The following DOCK2 variants were observed in gnomAD, a reference collection of about 807,000 sequenced individuals.
DOCK2 encodes the protein dedicator of cytokinesis protein 2.
A neutral mutation model predicts 248.9 loss-of-function variants in DOCK2; 87 were observed. The ratio of observed to expected loss-of-function variants is 0.35; its 90% confidence interval spans 0.29 to 0.42. The LOEUF (loss-of-function observed/expected upper bound fraction) is 0.42. DOCK2 is among the 10% of genes least tolerant of loss of function. The pLI is 1.00. For synonymous variants in DOCK2, 805 were observed against 821.6 expected, an observed-to-expected ratio of 0.98 and a Z score of 0.35; for missense variants, 1,747 against 2,300.2, an observed-to-expected ratio of 0.76 and a Z score of 4.92.
chr5:169,827,723 G>A (rs1316254043), intron 26 of DOCK2, among the ~76,000 whole-genome samples: 1 of 152,224 alleles, frequency 6.6e-6, no homozygotes, highest in Non-Finnish European at 1.5e-5. Flanking sequence ...TACTGTAGTT[G>A]TATAGGTGGA....
intron 27 of DOCK2, among the ~76,000 whole-genome samples, chr5:169,904,562 C>A (rs1413364265): frequency 5.3e-5 from 8 of 152,070 alleles, no homozygotes; most frequent in African/African-American, 1.9e-4. Context: ...CTTTAGAGTG[C>A]TGGCGACCTC....
chr5:169,776,786 G>A (rs947489103), intron 25 of DOCK2, among the ~76,000 whole-genome samples: 2 of 152,070 alleles, frequency 1.3e-5, no homozygotes, highest in African/African-American at 4.8e-5. Context: ...TTCTCACTTC[G>A]TCCTGCTGCC....
chr5:169,744,215 G>GTC, intron 22 of DOCK2, among the ~76,000 whole-genome samples: 1 of 151,972 alleles, frequency 6.6e-6, no homozygotes, highest in African/African-American at 2.4e-5. Flanking sequence ...CATTGGCACA[G>GTC]TCTGTGACCT....
intron 27 of DOCK2, among the ~76,000 whole-genome samples, chr5:169,885,819 G>A (rs1195666401): frequency 1.3e-5 from 2 of 152,286 alleles, no homozygotes; most frequent in Non-Finnish European, 2.9e-5. Flanking sequence ...TAAGTAACTT[G>A]CCTAAACATA....
rs76711383 is a variant in DOCK2 at position 169,917,531 on chromosome 5, T to G, written c.2800-65537T>G. 7.6e-3 allele frequency among the ~76,000 whole-genome samples: 1,160 copies of G among 152,292 alleles called. 14 individuals carry two copies. The highest frequency in any genetic ancestry group is 0.024 in the African/African-American group (1,000 of 41,564). On this transcript the variant is annotated intron_variant, in intron 27 of 51. Coordinates refer to ENST00000520908, the MANE Select transcript of DOCK2 (RefSeq NM_004946.3). Reference sequence around the variant, plus strand: ...ATAGCTGAGGCTCTGTGGAAGACCTTTGACTTCCCATCAAGAGAAGTGTAG... The same window carrying G: ...ATAGCTGAGGCTCTGTGGAAGACCTGTGACTTCCCATCAAGAGAAGTGTAG...
At chr5:169,904,657 T>C (rs1774168558) in intron 27 of DOCK2, among the ~76,000 whole-genome samples, 1 of 152,186 alleles carries the variant, frequency 6.6e-6, no homozygotes, top group African/African-American at 2.4e-5. Context: ...CGCAGTCCTT[T>C]AAGAAGGCTT....
intron 1 of DOCK2, among the ~76,000 whole-genome samples, chr5:169,647,242 T>G (rs549243057): frequency 1.3e-4 from 20 of 152,264 alleles, no homozygotes; most frequent in African/African-American, 4.3e-4. Context: ...GCTCAGCGGC[T>G]GCTGATTGGA....
chr5:169,672,630 A>C (rs1759107781), intron 5 of DOCK2, among the ~76,000 whole-genome samples: 1 of 152,052 alleles, frequency 6.6e-6, no homozygotes, highest in Non-Finnish European at 1.5e-5. Flanking sequence ...CTGACTACCC[A>C]GGGTTACTGC....
rs920681363 is a variant in DOCK2, at chr5:169,731,464, C to T, written c.2267+12673C>T. On this transcript the variant is annotated intron_variant, in intron 22 of 51. Transcript: ENST00000520908. The stretch of plus-strand genomic sequence containing the variant: ...TGAGTTGCTTCTCCTTGCCTTTCCC[C>T]GTGATTGTGAGGCTTCCCCAGACAC... Among the ~76,000 whole-genome samples, 4 of 152,136 alleles carry T rather than the reference C, an allele frequency of 2.6e-5. No homozygotes were observed. In the East Asian group the frequency reaches 5.8e-4, roughly 22 times the overall value.
chr5:169,650,057 C>T (rs1227877105), intron 1 of DOCK2, among the ~76,000 whole-genome samples: 2 of 152,120 alleles, frequency 1.3e-5, no homozygotes, highest in Non-Finnish European at 2.9e-5. Context: ...ACCTGCCTCC[C>T]CTAGTGTTGG....
chr5:169,915,781 A>T (rs1370387797), intron 27 of DOCK2, among the ~76,000 whole-genome samples: 2 of 152,198 alleles, frequency 1.3e-5, no homozygotes, highest in Non-Finnish European at 2.9e-5. Context: ...AAGAGTCTAC[A>T]TATGGAAATC....
intron 27 of DOCK2, among the ~76,000 whole-genome samples, chr5:169,947,966 A>C (rs1455540545): frequency 6.6e-6 from 1 of 152,178 alleles, no homozygotes; most frequent in Non-Finnish European, 1.5e-5. Context: ...GGGTCCTTGC[A>C]ATTGCCAGAA....
chr5:169,675,660 G>T (rs1006987082), intron 6 of DOCK2, among the ~76,000 whole-genome samples: 2 of 152,218 alleles, frequency 1.3e-5, no homozygotes, highest in African/African-American at 2.4e-5. Context: ...AGAGTCAGGG[G>T]CTCATGAGAG....
chr5:170,041,257 G>T (rs950123966), intron 37 of DOCK2, 112 bp downstream of exon 37: 42 of 983,338 alleles, frequency 4.3e-5, no homozygotes, highest in African/African-American at 3.4e-4. Context: ...ATTTTGTTTT[G>T]CCCTGTGTCT....
rs191022565 is a variant in DOCK2, at chr5:169,694,869, A to G, written c.844-934A>G. 4.6e-5 allele frequency among the ~76,000 whole-genome samples: 7 copies of G among 152,070 alleles called. No homozygotes were observed. The East Asian group carries it at 1.4e-3, about 29-fold the overall frequency. The stretch of plus-strand genomic sequence containing the variant: ...TCATGCCTGTAGTCCCAGCTACTCA[A>G]GAGGCTGAGGTGGGAGGATTATTTG... On this transcript the variant is annotated intron_variant, in intron 9 of 51. Coordinates refer to ENST00000520908, the MANE Select transcript of DOCK2 (RefSeq NM_004946.3).
At chr5:169,816,254 CT>C (rs1768063870) in intron 26 of DOCK2, among the ~76,000 whole-genome samples, 1 of 152,168 alleles carries the variant, frequency 6.6e-6, no homozygotes, top group Non-Finnish European at 1.5e-5. Context: ...GGTGCCTCAC[CT>C]GCCATGTACA....
At chr5:169,943,811 C>G (rs79629794) in intron 27 of DOCK2, among the ~76,000 whole-genome samples, 2 of 152,140 alleles carry the variant, frequency 1.3e-5, no homozygotes, top group Admixed American at 6.5e-5. Context: ...TTAGCCAGCC[C>G]CCAAGGTGAC....
intron 27 of DOCK2, among the ~76,000 whole-genome samples, chr5:169,911,272 G>T (rs559044525): frequency 6.6e-6 from 1 of 152,304 alleles, no homozygotes; most frequent in East Asian, 1.9e-4. Context: ...GCCTTTCTCA[G>T]ATCCTTATTA....
At chr5:170,054,868 G>T (rs994405789) in intron 41 of DOCK2, among the ~76,000 whole-genome samples, 1 of 152,160 alleles carries the variant, frequency 6.6e-6, no homozygotes, top group African/African-American at 2.4e-5. Context: ...CTTACAAGTT[G>T]TGTGACCTTC....
Sources: allele counts gnomAD v4.1 joint callset (sites outside exome capture counted in the v4.1 genomes callset), GRCh38; gene constraint gnomAD v4.1.1; transcripts MANE v1.5; gene names NCBI Gene and HGNC (gene_info 2026-07-23, HGNC 2026-07-21).